LDLRAD4: variants seen among roughly 807,000 people sequenced by gnomAD.
The protein encoded by LDLRAD4 is low-density lipoprotein receptor class A domain-containing protein 4.
Under a neutral mutation model 17.0 loss-of-function variants are expected in LDLRAD4, and 5 were observed. The observed-to-expected ratio is 0.29, with a 90% confidence interval of 0.15 to 0.62. The LOEUF is 0.62. Among genes scored for constraint, LDLRAD4 ranks in the 20% least tolerant of loss-of-function variants. LDLRAD4 has a pLI of 0.84. For missense variants in LDLRAD4, 340 were observed against 424.7 expected (o/e 0.80, Z 1.75); for synonymous variants, 168 against 171.8 (o/e 0.98, Z 0.17).
At chr18:13,231,241 C>G (rs561809440) in intron 1 of LDLRAD4, among the ~76,000 whole-genome samples, 1 of 152,262 alleles carries the variant, frequency 6.6e-6, no homozygotes, top group East Asian at 1.9e-4. Flanking sequence ...CAAGAGGGGT[C>G]TGGACCGGTT....
intron 3 of LDLRAD4, among the ~76,000 whole-genome samples, chr18:13,513,281 G>A (rs950950057): frequency 6.6e-6 from 1 of 152,188 alleles, no homozygotes; most frequent in African/African-American, 2.4e-5. Flanking sequence ...CTTACAGACA[G>A]CCTAGTAACG....
chr18:13,610,305 T>TTTTTTCTTC (rs1491536129), intron 3 of LDLRAD4, among the ~76,000 whole-genome samples: 1 of 24,328 alleles, frequency 4.1e-5, no homozygotes, highest in Non-Finnish European at 8.7e-5. Flanking sequence ...TTTTTTTTTT[T>TTTTTTCTTC]GAGACGGAGT....
At chr18:13,494,207 C>G (rs1568250360) in intron 3 of LDLRAD4, among the ~76,000 whole-genome samples, 1 of 152,130 alleles carries the variant, frequency 6.6e-6, no homozygotes, top group African/African-American at 2.4e-5. Context: ...GTATCCCAAC[C>G]TGCTGTCTAG....
intron 1 of LDLRAD4, among the ~76,000 whole-genome samples, chr18:13,354,449 G>A (rs1487202015): frequency 6.6e-6 from 1 of 152,190 alleles, no homozygotes; most frequent in Non-Finnish European, 1.5e-5. Flanking sequence ...TTTTATTGCT[G>A]TTGGGTGCAT....
chr18:13,393,723 G>A (rs2086453369), intron 2 of LDLRAD4, among the ~76,000 whole-genome samples: 1 of 152,072 alleles, frequency 6.6e-6, no homozygotes, highest in Non-Finnish European at 1.5e-5. Context: ...AACTTTCCAG[G>A]GCTGCTTCTT....
chr18:13,365,496 C>A (rs968170924), intron 1 of LDLRAD4, among the ~76,000 whole-genome samples: 2 of 152,172 alleles, frequency 1.3e-5, no homozygotes, highest in African/African-American at 4.8e-5. Context: ...ACCTTTCGTG[C>A]ATAAGAAAAA....
At chr18:13,564,114 C>T (rs887014919) in intron 3 of LDLRAD4, among the ~76,000 whole-genome samples, 1 of 152,220 alleles carries the variant, frequency 6.6e-6, no homozygotes, top group Non-Finnish European at 1.5e-5. Context: ...CTTTGTTGCC[C>T]AGGCTAGTCT....
chr18:13,628,476 G>A (rs1034676909), intron 4 of LDLRAD4, among the ~76,000 whole-genome samples: 10 of 152,228 alleles, frequency 6.6e-5, no homozygotes, highest in South Asian at 2.1e-4. Flanking sequence ...AGGGTCCGGC[G>A]GGTTGGCCGC....
chr18:13,303,458 C>T (rs1432042714), intron 1 of LDLRAD4, among the ~76,000 whole-genome samples: 1 of 152,012 alleles, frequency 6.6e-6, no homozygotes, highest in Non-Finnish European at 1.5e-5. Context: ...CTCTCTCTCC[C>T]CGTTTCCTTC....
At chr18:13,330,992 C>G (rs1200739923) in intron 1 of LDLRAD4, among the ~76,000 whole-genome samples, 1 of 152,230 alleles carries the variant, frequency 6.6e-6, no homozygotes, top group Non-Finnish European at 1.5e-5. Context: ...CATGGAAGCT[C>G]CATGTTTCTT....
chr18:13,470,215 T>A (rs992380953), intron 3 of LDLRAD4, among the ~76,000 whole-genome samples: 2 of 152,158 alleles, frequency 1.3e-5, no homozygotes, highest in Admixed American at 6.5e-5. Context: ...AATAGAGGGC[T>A]GCAGAAATGT....
intron 3 of LDLRAD4, among the ~76,000 whole-genome samples, chr18:13,445,333 AGTT>A (rs761956231): frequency 8.5e-5 from 13 of 152,118 alleles, no homozygotes; most frequent in South Asian, 2.1e-4. Context: ...GAGAATGTGT[AGTT>A]GTGTGCACAA....
intron 1 of LDLRAD4, among the ~76,000 whole-genome samples, chr18:13,336,249 A>G (rs543094092): frequency 6.6e-5 from 10 of 152,330 alleles, no homozygotes; most frequent in Admixed American, 2.0e-4. Flanking sequence ...TATCCAAACC[A>G]TAAACATAGC....
chr18:13,277,672 G>C (rs368803394), upstream of LDLRAD4, among the ~76,000 whole-genome samples: 12 of 152,342 alleles, frequency 7.9e-5, no homozygotes, highest in East Asian at 5.8e-4. Flanking sequence ...GCCCGTCTTA[G>C]GTGGGCCCAT....
intron 3 of LDLRAD4, among the ~76,000 whole-genome samples, chr18:13,600,738 T>C (rs916547884): frequency 4.7e-4 from 71 of 152,244 alleles, no homozygotes; most frequent in Non-Finnish European, 5.9e-5. Context: ...AGGTATATTA[T>C]AGGAAACAAA....
At chr18:13,217,957 C>G (rs1231649674), upstream of LDLRAD4, 1 of 148,034 alleles carries the variant, frequency 6.8e-6, no homozygotes, top group Non-Finnish European at 1.5e-5. The surrounding 1 kb of genome is among the most constrained non-coding windows in gnomAD (Gnocchi z 4.9). Context: ...AGAACCCCGG[C>G]GCGCCGCGCT....
intron 4 of LDLRAD4, among the ~76,000 whole-genome samples, chr18:13,634,139 A>G (rs909338355): frequency 6.6e-6 from 1 of 152,248 alleles, no homozygotes; most frequent in African/African-American, 2.4e-5. Flanking sequence ...TTTTCCTGTA[A>G]GACCGGGAAC....
At chr18:13,391,233 A>G (rs2086251991) in intron 2 of LDLRAD4, among the ~76,000 whole-genome samples, 1 of 152,090 alleles carries the variant, frequency 6.6e-6, no homozygotes, top group Admixed American at 6.5e-5. Context: ...TTGTCACTTT[A>G]TGTTCCAATT....
chr18:13,400,209 C>A (rs1254998214), intron 2 of LDLRAD4, among the ~76,000 whole-genome samples: 1 of 152,208 alleles, frequency 6.6e-6, no homozygotes, highest in East Asian at 1.9e-4. Context: ...TTCTTTGGGG[C>A]AGCTCATCCA....
Sources: allele counts gnomAD v4.1 joint callset (sites outside exome capture counted in the v4.1 genomes callset), GRCh38; gene constraint gnomAD v4.1.1; non-coding constraint Gnocchi (gnomAD v3.1); transcripts MANE v1.5; gene names NCBI Gene and HGNC (gene_info 2026-07-23, HGNC 2026-07-21).